TAFA1: variants seen among roughly 807,000 people sequenced by gnomAD.
The protein encoded by TAFA1 is chemokine-like protein TAFA-1.
A neutral mutation model predicts 18.5 loss-of-function variants in TAFA1; 4 were observed. The observed-to-expected ratio is 0.22, with a 90% CI of 0.11 to 0.49. TAFA1 has a LOEUF of 0.49. Among genes scored for constraint, TAFA1 ranks in the 20% least tolerant of loss-of-function variants. TAFA1 has a pLI of 0.98. For synonymous variants in TAFA1, 56 were observed against 55.2 expected (o/e 1.01, Z -0.06); for missense variants, 147 against 169.0 (o/e 0.87, Z 0.72).
chr3:68,415,589 G>A (rs760634107), intron 2 of TAFA1, among the ~76,000 whole-genome samples: 21 of 151,830 alleles, frequency 1.4e-4, no homozygotes, highest in Non-Finnish European at 1.9e-4. Context: ...ATCTTTGTTG[G>A]CACCAAAGAT....
At chr3:68,449,135 C>T (rs1422293725) in intron 3 of TAFA1, among the ~76,000 whole-genome samples, 3 of 152,102 alleles carry the variant, frequency 2.0e-5, no homozygotes, top group Non-Finnish European at 4.4e-5. Context: ...TAGTGAAGTA[C>T]AGTGAAAGAG....
chr3:68,205,621 C>T (rs953221875), intron 2 of TAFA1, among the ~76,000 whole-genome samples: 1 of 151,782 alleles, frequency 6.6e-6, no homozygotes, highest in African/African-American at 2.4e-5. Context: ...GAAAACGTCC[C>T]TAGATGATCT....
intron 3 of TAFA1, among the ~76,000 whole-genome samples, chr3:68,494,771 C>T (rs2072515842): frequency 6.6e-6 from 1 of 152,144 alleles, no homozygotes; most frequent in African/African-American, 2.4e-5. Flanking sequence ...TAATGCAATT[C>T]CTAATTGACA....
chr3:68,062,175 A>C (rs2064612308), intron 2 of TAFA1, among the ~76,000 whole-genome samples: 1 of 151,968 alleles, frequency 6.6e-6, no homozygotes, highest in Non-Finnish European at 1.5e-5. Flanking sequence ...AAACCAAGCT[A>C]TTTCTGGGGT....
In TAFA1 at chr3:68,214,217, C is replaced by A. The variant is rs77587958; in HGVS notation, c.119-203063C>A. On this transcript the variant is annotated intron_variant, in intron 2 of 4. Coordinates refer to ENST00000478136, the MANE Select transcript of TAFA1 (RefSeq NM_213609.4). ...ACATGGTCCAAATGCTTTGTCTGTC[C>A]TTTTCATGCTTTCTAGTTATCATAG... is the stretch of plus-strand genomic sequence containing the variant. Among the ~76,000 whole-genome samples the A allele has an allele frequency of 3.9e-5, 6 of 152,166 alleles. No individual in the cohort carries two copies. The East Asian group carries it at 1.2e-3, about 30-fold the overall frequency.
rs57398532 is a variant in TAFA1, at chr3:68,515,167, G to A, written c.260-23589G>A. Among the ~76,000 whole-genome samples the A allele has an allele frequency of 2.5e-3, 374 of 152,200 alleles. 4 individuals carry two copies. The highest frequency in any genetic ancestry group is 8.5e-3 in the African/African-American group (353 of 41,552). On this transcript the variant is annotated intron_variant, in intron 3 of 4. Coordinates refer to ENST00000478136, the MANE Select transcript of TAFA1 (RefSeq NM_213609.4). ...TTCCCAGTATGGTAGTGTCAGGGCT[G>A]TAGGATTTTTTTATAGGCTGGCTCA...
chr3:68,208,206 A>G (rs2066550317), intron 2 of TAFA1, among the ~76,000 whole-genome samples: 1 of 151,986 alleles, frequency 6.6e-6, no homozygotes, highest in Admixed American at 6.6e-5. Flanking sequence ...TCCATGCACC[A>G]GTACAAACCT....
At chr3:67,993,871 C>G in the TAFA1 span, among the ~76,000 whole-genome samples, 1 of 151,876 alleles carries the variant, frequency 6.6e-6, no homozygotes, top group African/African-American at 2.4e-5. Flanking sequence ...ACATAGCGTT[C>G]CTATATATAG....
At chr3:68,479,229 CA>C (rs764971674) in intron 3 of TAFA1, among the ~76,000 whole-genome samples, 38 of 97,520 alleles carry the variant, frequency 3.9e-4, no homozygotes, top group African/African-American at 1.2e-3. Context: ...GACTCCATCT[CA>C]AAAAAAAAAA....
intron 2 of TAFA1, among the ~76,000 whole-genome samples, chr3:68,255,516 G>A (rs1212570410): frequency 1.3e-5 from 2 of 151,992 alleles, no homozygotes; most frequent in Non-Finnish European, 2.9e-5. Flanking sequence ...GACATTTATT[G>A]TGAAGGGACC....
intron 3 of TAFA1, among the ~76,000 whole-genome samples, chr3:68,474,049 ACCCC>A (rs3037409): frequency 1.5e-5 from 2 of 136,444 alleles, no homozygotes; most frequent in African/African-American, 5.3e-5. Context: ...AAAATGTATC[ACCCC>A]CCCCCCCAAG....
intron 2 of TAFA1, among the ~76,000 whole-genome samples, chr3:68,390,351 C>A (rs2070207309): frequency 6.6e-6 from 1 of 152,156 alleles, no homozygotes; most frequent in African/African-American, 2.4e-5. Flanking sequence ...GGGAGAAACC[C>A]CAGTCAGGGA....
chr3:68,174,664 G>A (rs1052878861), intron 2 of TAFA1, among the ~76,000 whole-genome samples: 4 of 152,170 alleles, frequency 2.6e-5, no homozygotes, highest in African/African-American at 9.7e-5. Context: ...GGTGACTTGG[G>A]TGTTGTTAAA....
chr3:68,284,194 A>G (rs1329916480), intron 2 of TAFA1, among the ~76,000 whole-genome samples: 1 of 152,204 alleles, frequency 6.6e-6, no homozygotes, highest in East Asian at 1.9e-4. Flanking sequence ...AGAAGATATC[A>G]CTTTAAATAG....
At chr3:68,221,398 G>A (rs763062083) in intron 2 of TAFA1, among the ~76,000 whole-genome samples, 8 of 152,162 alleles carry the variant, frequency 5.3e-5, no homozygotes, top group Non-Finnish European at 8.8e-5. Flanking sequence ...TGATAAGAGA[G>A]TAGATTGGCT....
intron 2 of TAFA1, among the ~76,000 whole-genome samples, chr3:68,157,147 T>C (rs1294765084): frequency 1.3e-5 from 2 of 152,144 alleles, no homozygotes; most frequent in East Asian, 3.8e-4. Context: ...GGGAAAGCTA[T>C]TATTATTATT....
intron 2 of TAFA1, among the ~76,000 whole-genome samples, chr3:68,292,552 G>A (rs186465823): frequency 3.5e-4 from 53 of 152,016 alleles, no homozygotes; most frequent in Admixed American, 3.1e-3. Flanking sequence ...TAAAAGACAA[G>A]GTCTCACTCT....
At chr3:68,490,261 A>G (rs562978861) in intron 3 of TAFA1, among the ~76,000 whole-genome samples, 3 of 152,318 alleles carry the variant, frequency 2.0e-5, no homozygotes, top group Middle Eastern at 6.8e-3. Context: ...AGTTCATCAT[A>G]TTACAAAATC....
rs140708252 is a variant in TAFA1, at chr3:68,220,670, A to G, written c.119-196610A>G. On this transcript the variant is annotated intron_variant, in intron 2 of 4. Coordinates refer to ENST00000478136, the MANE Select transcript of TAFA1 (RefSeq NM_213609.4). Reference sequence around the variant, plus strand: ...CCTCCAAGATACTCTACAAAATGCCATCAGGTGTGTGGGTAAAGGAGTTTG... The same window carrying G: ...CCTCCAAGATACTCTACAAAATGCCGTCAGGTGTGTGGGTAAAGGAGTTTG... Among the ~76,000 whole-genome samples the G allele has an allele frequency of 1.3e-4, 20 of 152,262 alleles. No individual in the cohort carries two copies. The East Asian group carries it at 3.1e-3, about 24-fold the overall frequency.
Sources: allele counts gnomAD v4.1 joint callset (sites outside exome capture counted in the v4.1 genomes callset), GRCh38; gene constraint gnomAD v4.1.1; transcripts MANE v1.5; gene names NCBI Gene and HGNC (gene_info 2026-07-23, HGNC 2026-07-21).